Variants in LGR6 observed in about 807,000 individuals in gnomAD.
The protein encoded by LGR6 is leucine-rich repeat-containing G protein-coupled receptor 6.
In LGR6, 45 loss-of-function variants were observed where a neutral mutation model predicts 69.4. That is an observed-to-expected ratio of 0.65 (90% CI 0.51 to 0.83). The LOEUF is 0.83. LGR6 is among the 40% of genes least tolerant of loss of function. LGR6 has a pLI of 0.00. For synonymous variants in LGR6, 538 were observed against 555.0 expected (o/e 0.97, Z 0.43); for missense variants, 1,108 against 1,246.7 (o/e 0.89, Z 1.68).
At chr1:202,245,397 G>A (rs566244778) in intron 4 of LGR6, among the ~76,000 whole-genome samples, 1 of 152,142 alleles carries the variant, frequency 6.6e-6, no homozygotes, top group Non-Finnish European at 1.5e-5. Flanking sequence ...TTCGTGGTGG[G>A]CTGGGCCAGG....
At chr1:202,284,973 G>A (rs1378064760) in intron 6 of LGR6, among the ~76,000 whole-genome samples, 1 of 152,226 alleles carries the variant, frequency 6.6e-6, no homozygotes, top group East Asian at 1.9e-4. Flanking sequence ...TTGGAGGAGA[G>A]CCTGGGGCCA....
chr1:202,199,173 C>T (rs2361445), intron 1 of LGR6, among the ~76,000 whole-genome samples: 7 of 152,098 alleles, frequency 4.6e-5, no homozygotes, highest in Admixed American at 1.3e-4. Context: ...GAAAGCTCCC[C>T]GGGAGAGCTG....
Position 202,268,277 on chromosome 1 carries a change from T to C in LGR6, c.429-8029T>C, listed in dbSNP as rs1664826922. ...GGTGCTGGTGTGGGAGGCTGGGCCC[T>C]GCCGCCTATGGAAGGCCCAAGGGCA... On this transcript the variant is annotated intron_variant, in intron 4 of 17. Coordinates refer to ENST00000367278, the MANE Select transcript of LGR6 (RefSeq NM_001017403.2). This position sits in a 1 kb window ranked among gnomAD's most constrained non-coding sequence, Gnocchi z 4.4. Among the ~76,000 whole-genome samples the C allele has an allele frequency of 2.0e-5, 3 of 152,148 alleles. No homozygotes were observed. The highest frequency in any genetic ancestry group is 4.4e-5 in the Non-Finnish European group (3 of 68,012).
At chr1:202,233,499 C>T (rs1284860770) in intron 3 of LGR6, among the ~76,000 whole-genome samples, 1 of 152,102 alleles carries the variant, frequency 6.6e-6, no homozygotes, top group Non-Finnish European at 1.5e-5. Context: ...AAGCGAAGGC[C>T]CACCCTTTAG....
At chr1:202,308,577 C>T (rs942880568) in intron 14 of LGR6, among the ~76,000 whole-genome samples, 25 of 152,170 alleles carry the variant, frequency 1.6e-4, no homozygotes, top group African/African-American at 6.0e-4. Flanking sequence ...TGCTTGTAGC[C>T]AGATGACCAG....
At position 202,317,980 on chromosome 1, in the gene LGR6, T is replaced by G. The variant is rs749467740; in HGVS notation, c.1677T>G (p.Phe559Leu). ...PGPFKPCEYL[F>L]ESWGIRLAVW... ...CCTTCAAGCCCTGTGAGTACCTCTT[T>G]GAAAGCTGGGGCATCCGCCTGGCCG... is the stretch of plus-strand genomic sequence containing the variant. The change falls in exon 18 of 18, where the codon TTT (phenylalanine) becomes TTG (leucine). Residue 559 changes from phenylalanine to leucine, a missense_variant. Physicochemically the swap from Phe to Leu is conservative, Grantham distance 22. Transcript: ENST00000367278. 23 of 1,613,190 alleles carry G rather than the reference T, an allele frequency of 1.4e-5. No individual in the cohort carries two copies. The Admixed American group carries it at 3.8e-4, about 27-fold the overall frequency.
chr1:202,282,723 G>C (rs1357256211), intron 6 of LGR6, among the ~76,000 whole-genome samples: 2 of 152,240 alleles, frequency 1.3e-5, no homozygotes, highest in Non-Finnish European at 2.9e-5. Flanking sequence ...ACTAGCAGCT[G>C]TTTCTTCACT....
intron 6 of LGR6, 31 bp from the exon 7 acceptor site, chr1:202,297,477 G>T: frequency 6.3e-7 from 1 of 1,597,974 alleles, no homozygotes; most frequent in Non-Finnish European, 8.6e-7. Context: ...TTAAGCCTTT[G>T]CCCTAATGAC....
In LGR6 at chr1:202,235,890, G is replaced by GC. The variant is rs769543452; in HGVS notation, c.357-31dup. 3 of 1,605,616 alleles carry GC rather than the reference G, an allele frequency of 1.9e-6. No homozygotes were observed. The Admixed American group carries it at 5.0e-5, about 27-fold the overall frequency. ...CTCCAGCCAGCTCTGCATACCATGT[G>GC]CGTCCTTAAAGCCCTTTCTCTTCTC... On this transcript the variant is annotated intron_variant, in intron 3 of 17. Transcript: ENST00000367278.
intron 1 of LGR6, among the ~76,000 whole-genome samples, chr1:202,211,760 T>C (rs553209819): frequency 6.6e-6 from 1 of 152,322 alleles, no homozygotes; most frequent in South Asian, 2.1e-4. Context: ...AATACACTTG[T>C]GTAACCAGCA....
At chr1:202,265,817 T>C (rs1282980136) in intron 4 of LGR6, among the ~76,000 whole-genome samples, 1 of 152,142 alleles carries the variant, frequency 6.6e-6, no homozygotes, top group East Asian at 1.9e-4. Flanking sequence ...AAACACAGAC[T>C]GAATATCCAT....
chr1:202,253,522 C>T (rs1371623925), intron 4 of LGR6, among the ~76,000 whole-genome samples: 1 of 151,500 alleles, frequency 6.6e-6, no homozygotes, highest in African/African-American at 2.4e-5. Flanking sequence ...TCAGGCTGGT[C>T]TCGAACTCAT....
At chr1:202,290,280 C>T (rs1666701414) in intron 6 of LGR6, among the ~76,000 whole-genome samples, 1 of 152,186 alleles carries the variant, frequency 6.6e-6, no homozygotes, top group Non-Finnish European at 1.5e-5. Flanking sequence ...GGCAAGAACT[C>T]TCTCTAACAC....
chr1:202,261,563 T>A (rs191367126), intron 4 of LGR6, among the ~76,000 whole-genome samples: 28 of 152,334 alleles, frequency 1.8e-4, no homozygotes, highest in Admixed American at 1.7e-3. Flanking sequence ...TGTGTCTTTA[T>A]AACAGCATGA....
chr1:202,267,298 G>A (rs1242704249), intron 4 of LGR6, among the ~76,000 whole-genome samples: 4 of 152,066 alleles, frequency 2.6e-5, no homozygotes, highest in African/African-American at 9.7e-5. Flanking sequence ...CTGCTTGAAG[G>A]GGAGCTCCCT....
chr1:202,199,523 G>A (rs901783981), intron 1 of LGR6, among the ~76,000 whole-genome samples: 5 of 152,314 alleles, frequency 3.3e-5, no homozygotes, highest in South Asian at 2.1e-4. Flanking sequence ...GGCGGCTGGC[G>A]GAGGAGAAGA....
At chr1:202,212,827 C>A (rs1330536963) in intron 1 of LGR6, among the ~76,000 whole-genome samples, 6 of 152,182 alleles carry the variant, frequency 3.9e-5, no homozygotes, top group Non-Finnish European at 8.8e-5. Context: ...ATCCACCACA[C>A]TTTCCCTCAC....
At chr1:202,266,893 CT>C (rs1664709499) in intron 4 of LGR6, among the ~76,000 whole-genome samples, 2 of 123,308 alleles carry the variant, frequency 1.6e-5, no homozygotes, top group South Asian at 6.5e-4. Context: ...TTTCCTCTCT[CT>C]CTAACGCGCG....
At position 202,280,832 on chromosome 1, in the gene LGR6, G is replaced by A; in HGVS notation, c.696G>A (p.Gly232=). Reference sequence around the variant, plus strand: ...ATCTGGGGACCCACAGCTTCGAGGGGCTGCACAATCTGGAGACACTGTGAG... The same window carrying A: ...ATCTGGGGACCCACAGCTTCGAGGGACTGCACAATCTGGAGACACTGTGAG... ...IQHLGTHSFE[G]LHNLETLDLN... Residue 232 remains glycine (G), a synonymous_variant, in exon 6 of 18, where the codon GGG becomes GGA. Coordinates refer to ENST00000367278, the MANE Select transcript of LGR6 (RefSeq NM_001017403.2). The A allele has an allele frequency of 6.2e-7, 1 of 1,614,050 alleles. No individual in the cohort carries two copies. Among genetic ancestry groups the A allele is most frequent in the Non-Finnish European group, 8.5e-7 (1 of 1,179,936 alleles).
Sources: allele counts gnomAD v4.1 joint callset (sites outside exome capture counted in the v4.1 genomes callset), GRCh38; gene constraint gnomAD v4.1.1; non-coding constraint Gnocchi (gnomAD v3.1); transcripts MANE v1.5; gene names NCBI Gene and HGNC (gene_info 2026-07-23, HGNC 2026-07-21).